The following OTOGL variants were observed in gnomAD, a reference collection of about 807,000 sequenced individuals.
The protein encoded by OTOGL is otogelin like.
A neutral mutation model predicts 318.5 loss-of-function variants in OTOGL; 285 were observed. The ratio of observed to expected loss-of-function variants is 0.89; its 90% CI spans 0.81 to 0.99. OTOGL has a LOEUF of 0.99. Among genes scored for constraint, OTOGL ranks in the 50% least tolerant of loss-of-function variants. The pLI is 0.00. For synonymous variants in OTOGL, 987 were observed against 936.5 expected (o/e 1.05, Z -0.99); for missense variants, 2,899 against 2,845.6 (o/e 1.02, Z -0.43).
chr12:80,168,220 A>T (rs977370845), intron 1 of OTOGL, among the ~76,000 whole-genome samples: 2 of 152,080 alleles, frequency 1.3e-5, no homozygotes, highest in Non-Finnish European at 2.9e-5. Context: ...AGCCTCCCAA[A>T]GTGCTGGGAT....
At chr12:80,176,866 G>A (rs1301474263) in intron 1 of OTOGL, among the ~76,000 whole-genome samples, 1 of 152,050 alleles carries the variant, frequency 6.6e-6, no homozygotes, top group Non-Finnish European at 1.5e-5. Context: ...TATAAGCACT[G>A]TGTGAAAATT....
At chr12:80,118,998 G>T (rs972964653) in intron 1 of OTOGL, among the ~76,000 whole-genome samples, 4 of 152,022 alleles carry the variant, frequency 2.6e-5, no homozygotes, top group African/African-American at 9.7e-5. Context: ...TAGAGAGGAA[G>T]CTGGCTAATT....
intron 9 of OTOGL, among the ~76,000 whole-genome samples, chr12:80,233,392 A>T (rs1239194898): frequency 6.6e-6 from 1 of 152,248 alleles, no homozygotes; most frequent in East Asian, 1.9e-4. Context: ...CCACTGCTTT[A>T]GGAACCTGGA....
rs188206339 is a variant in OTOGL at position 80,287,320 on chromosome 12, C to T, written c.2928+8154C>T. ...CTGAGGAGTGTTTTACTTCCAATTA[C>T]GTGGTCAATTTTAGAATAAGTGTGA... On this transcript the variant is annotated intron_variant, in intron 26 of 58. Coordinates refer to ENST00000547103, the MANE Select transcript of OTOGL (RefSeq NM_001378609.3). Among the ~76,000 whole-genome samples, 31 of 151,598 alleles carry T rather than the reference C, an allele frequency of 2.0e-4. 2 individuals are homozygous for T. In the East Asian group the frequency reaches 2.5e-3, roughly 12 times the overall value.
chr12:80,375,033 A>T (rs1197720101), intron 57 of OTOGL, among the ~76,000 whole-genome samples: 1 of 152,148 alleles, frequency 6.6e-6, no homozygotes, highest in Admixed American at 6.6e-5. Flanking sequence ...AACTCTGCTA[A>T]GTTCTTTGAA....
chr12:80,135,691 A>G (rs551170054), intron 1 of OTOGL, among the ~76,000 whole-genome samples: 11 of 152,320 alleles, frequency 7.2e-5, no homozygotes, highest in Admixed American at 5.9e-4. Flanking sequence ...TCTCAACTTG[A>G]CTAGGCCATG....
intron 19 of OTOGL, among the ~76,000 whole-genome samples, chr12:80,263,696 TA>T (rs1007812786): frequency 2.5e-4 from 37 of 150,822 alleles, no homozygotes; most frequent in East Asian, 5.8e-4. Flanking sequence ...GATTTTTTTT[TA>T]AAAAAATTCA....
chr12:80,179,840 A>G (rs897803715), intron 1 of OTOGL, among the ~76,000 whole-genome samples: 1 of 152,224 alleles, frequency 6.6e-6, no homozygotes, highest in Admixed American at 6.5e-5. Flanking sequence ...TGGTGCTGCT[A>G]TCCATGAAAT....
chr12:80,206,645 G>A (rs924324459), intron 1 of OTOGL, among the ~76,000 whole-genome samples: 1 of 151,726 alleles, frequency 6.6e-6, no homozygotes, highest in Non-Finnish European at 1.5e-5. Flanking sequence ...TAGTAGCTGG[G>A]ACTACAGGAG....
chr12:80,146,815 A>G (rs1872402053), intron 1 of OTOGL, among the ~76,000 whole-genome samples: 1 of 150,990 alleles, frequency 6.6e-6, no homozygotes, highest in Non-Finnish European at 1.5e-5. Context: ...GAATTTATCC[A>G]TTTCTTCTAG....
At chr12:80,182,162 T>A (rs1026297284) in intron 1 of OTOGL, among the ~76,000 whole-genome samples, 1 of 151,976 alleles carries the variant, frequency 6.6e-6, no homozygotes, top group East Asian at 1.9e-4. Flanking sequence ...AAAAGCAATT[T>A]TTAAAAAGGG....
chr12:80,212,065 C>T, intron 4 of OTOGL, 68 bp downstream of exon 4: 1 of 1,419,074 alleles, frequency 7.0e-7, no homozygotes, highest in African/African-American at 1.4e-5. Context: ...TCTGCTGTCA[C>T]TTCAACAATG....
rs1889604463 is a variant in OTOGL at position 80,352,377 on chromosome 12, A to AT, written c.5349dup (p.Val1784CysfsTer8). On this transcript the variant is annotated frameshift_variant, in exon 45 of 59. Transcript: ENST00000547103. LOFTEE classifies it high-confidence loss of function. ...TATGAATGTGATGCACTTTCTGCAT[A>AT]TGTGGCTCTGTGCAACAAGTTTGAT... 6.2e-7 allele frequency: 1 copy of AT among 1,612,496 alleles called. No homozygotes were observed. Among genetic ancestry groups the AT allele is most frequent in the Non-Finnish European group, 8.5e-7 (1 of 1,179,040 alleles).
At position 80,314,350 on chromosome 12, in the gene OTOGL, A is replaced by G. The variant is rs746515706; in HGVS notation, c.3634+19A>G. 2.5e-5 allele frequency: 26 copies of G among 1,021,142 alleles called. No individual in the cohort carries two copies. Among genetic ancestry groups the G allele is most frequent in the Non-Finnish European group, 6.5e-6 (5 of 765,598 alleles). The allele number at this position is 1,021,142 out of a possible 1,614,324, so 63.3% of individuals were successfully genotyped here. A position where few individuals can be genotyped will look rare whatever the true frequency, so the allele number is the denominator to read the frequency against. On this transcript the variant is annotated intron_variant, in intron 32 of 58. Coordinates refer to ENST00000547103, the MANE Select transcript of OTOGL (RefSeq NM_001378609.3). ...AATGAAGGTATGTGACATTCAAATT[A>G]AAAATATCACTATAGTATTCTATTA...
intron 9 of OTOGL, among the ~76,000 whole-genome samples, chr12:80,238,265 A>G (rs1486714906): frequency 1.3e-5 from 2 of 152,198 alleles, no homozygotes; most frequent in East Asian, 3.9e-4. Flanking sequence ...AACACTGTTC[A>G]TCATATTTAG....
chr12:80,178,010 T>C (rs1487344044), intron 1 of OTOGL, among the ~76,000 whole-genome samples: 1 of 151,834 alleles, frequency 6.6e-6, no homozygotes, highest in Non-Finnish European at 1.5e-5. Context: ...CTCAATTCTT[T>C]TAGTTTTTTT....
At chr12:80,281,290 G>T (rs1884219451) in intron 26 of OTOGL, among the ~76,000 whole-genome samples, 1 of 151,654 alleles carries the variant, frequency 6.6e-6, no homozygotes, top group African/African-American at 2.4e-5. Flanking sequence ...AGTGGAATTG[G>T]GTCCAGCTTT....
chr12:80,187,185 A>C (rs773226135), intron 1 of OTOGL, among the ~76,000 whole-genome samples: 8 of 152,144 alleles, frequency 5.3e-5, no homozygotes, highest in Non-Finnish European at 8.8e-5. Flanking sequence ...AGAAAACAAC[A>C]GGGTTCCCTA....
chr12:80,353,209 A>G, intron 45 of OTOGL, 116 bp from the exon 46 acceptor site: 1 of 764,894 alleles, frequency 1.3e-6, no homozygotes, highest in Non-Finnish European at 1.9e-6. Flanking sequence ...TGGACTTTGA[A>G]GAGACTAAAA....
Sources: allele counts gnomAD v4.1 joint callset (sites outside exome capture counted in the v4.1 genomes callset), GRCh38; gene constraint gnomAD v4.1.1; transcripts MANE v1.5; gene names NCBI Gene and HGNC (gene_info 2026-07-23, HGNC 2026-07-21).